SMAD6: variants seen among roughly 807,000 people sequenced by gnomAD.
SMAD6 encodes MAD homolog 6.
A neutral mutation model predicts 39.4 loss-of-function variants in SMAD6; 103 were observed. The ratio of observed to expected loss-of-function variants is 2.62; its 90% CI spans 2.23 to 3.08. The LOEUF (loss-of-function observed/expected upper bound fraction) is 3.08, where lower values mean the gene tolerates loss of function less well. Ranked by LOEUF, SMAD6 falls within the 30% of genes most tolerant of loss-of-function variation. The probability of loss-of-function intolerance (pLI) is 0.00; values close to 1 mark genes in which losing one functional copy is unlikely to be tolerated. For synonymous variants in SMAD6, 445 were observed against 353.3 expected (o/e 1.26, Z -2.91); for missense variants, 1,104 against 742.9 (o/e 1.49, Z -5.65).
intron 3 of SMAD6, among the ~76,000 whole-genome samples, chr15:66,773,674 A>C (rs1002061878): frequency 1.3e-5 from 2 of 152,130 alleles, no homozygotes; most frequent in African/African-American, 2.4e-5. Context: ...CACAGGCATG[A>C]CACGGGACAG....
chr15:66,705,171 G>A (rs1893083911), intron 1 of SMAD6: 1 of 152,334 alleles, frequency 6.6e-6, no homozygotes, highest in South Asian at 2.1e-4. Context: ...TGGGAGCACA[G>A]AGAGGGTCAG....
At chr15:66,705,952 C>T in intron 1 of SMAD6, 1 of 153,372 alleles carries the variant, frequency 6.5e-6, no homozygotes, top group Non-Finnish European at 1.5e-5. Flanking sequence ...AGGGAGCCAG[C>T]CAGCTCAGAG....
chr15:66,775,378 T>C (rs1465883876), intron 3 of SMAD6, among the ~76,000 whole-genome samples: 4 of 152,208 alleles, frequency 2.6e-5, no homozygotes, highest in Non-Finnish European at 5.9e-5. Flanking sequence ...TGGTTTTCTG[T>C]TGATAGATAT....
At chr15:66,724,857 C>G (rs984306075) in intron 3 of SMAD6, among the ~76,000 whole-genome samples, 2 of 152,094 alleles carry the variant, frequency 1.3e-5, no homozygotes, top group African/African-American at 4.8e-5. Context: ...GGGTGCCTGT[C>G]CAGGGCTGGC....
chr15:66,763,425 A>G (rs571018401), intron 3 of SMAD6, among the ~76,000 whole-genome samples: 121 of 152,234 alleles, frequency 7.9e-4, no homozygotes, highest in East Asian at 3.1e-3. Flanking sequence ...GGAACCTGCC[A>G]TTCTCTCGTC....
chr15:66,754,633 A>G (rs1894065996), intron 3 of SMAD6, among the ~76,000 whole-genome samples: 1 of 152,200 alleles, frequency 6.6e-6, no homozygotes, highest in South Asian at 2.1e-4. Context: ...ATGAATGCCT[A>G]CTAGCTGTTC....
At chr15:66,713,511 A>G (rs1893270899) in intron 2 of SMAD6, among the ~76,000 whole-genome samples, 1 of 152,000 alleles carries the variant, frequency 6.6e-6, no homozygotes, top group Non-Finnish European at 1.5e-5. Context: ...GTAGAGATGG[A>G]GTTTTACCAT....
At chr15:66,732,917 T>A (rs371173444) in intron 3 of SMAD6, among the ~76,000 whole-genome samples, 54 of 152,224 alleles carry the variant, frequency 3.5e-4, no homozygotes, top group African/African-American at 1.2e-3. Context: ...ATTTTTTTTT[T>A]ATGTTTTCTT....
intron 3 of SMAD6, chr15:66,740,296 C>T (rs1893791142): frequency 6.6e-6 from 1 of 152,300 alleles, no homozygotes; most frequent in African/African-American, 2.4e-5. Context: ...GAATTGAAGG[C>T]TCTTTCAGGA....
rs962265131 is a variant in SMAD6 at position 66,747,659 on chromosome 15, T to C, written c.952+31161T>C. ...GGACACTGACTCCACGGTTTCCCCC[T>C]TAGTCATACCTACCTAGGATAATTG... On this transcript the variant is annotated intron_variant, in intron 3 of 3. Transcript: ENST00000288840. This position sits in a 1 kb window ranked among gnomAD's most constrained non-coding sequence, Gnocchi z 4.5. Among the ~76,000 whole-genome samples the C allele has an allele frequency of 8.5e-5, 13 of 152,208 alleles. No homozygotes were observed. Among genetic ancestry groups the C allele is most frequent in the African/African-American group, 3.1e-4 (13 of 41,446 alleles).
At position 66,781,348 on chromosome 15, in the gene SMAD6, C is replaced by T. The variant is rs1894567595; in HGVS notation, c.1304C>T (p.Ser435Phe). 2 of 1,600,386 alleles carry T rather than the reference C, an allele frequency of 1.2e-6. No homozygotes were observed. The highest frequency in any genetic ancestry group is 1.7e-6 in the Non-Finnish European group (2 of 1,175,676). Residue 435 changes from serine to phenylalanine, a missense_variant, in exon 4 of 4, where the codon TCC becomes TTC. Physicochemically the swap from Ser to Phe is radical, Grantham distance 155. Coordinates refer to ENST00000288840, the MANE Select transcript of SMAD6 (RefSeq NM_005585.5). ...LVVRKVPPGY[S>F]IKVFDFERSG... The stretch of plus-strand genomic sequence containing the variant: ...GTGCGCAAGGTGCCCCCCGGCTACT[C>T]CATCAAGGTGTTCGACTTCGAGCGC...
intron 3 of SMAD6, among the ~76,000 whole-genome samples, chr15:66,766,653 G>T (rs955278317): frequency 6.6e-6 from 1 of 152,138 alleles, no homozygotes; most frequent in South Asian, 2.1e-4. Flanking sequence ...ATGCATGTAA[G>T]TTGCCTGCTG....
At chr15:66,722,705 C>G (rs1893455249) in intron 3 of SMAD6, among the ~76,000 whole-genome samples, 1 of 152,284 alleles carries the variant, frequency 6.6e-6, no homozygotes, top group Admixed American at 6.5e-5. Flanking sequence ...AAATGCCTTC[C>G]TTTCCTAACA....
chr15:66,758,494 G>A (rs1043857845), intron 3 of SMAD6, among the ~76,000 whole-genome samples: 1 of 152,194 alleles, frequency 6.6e-6, no homozygotes, highest in Admixed American at 6.5e-5. Context: ...TTGGGAGGCC[G>A]AGGTGGACGG....
chr15:66,768,318 T>C (rs1894325154), intron 3 of SMAD6, among the ~76,000 whole-genome samples: 1 of 152,116 alleles, frequency 6.6e-6, no homozygotes, highest in Non-Finnish European at 1.5e-5. Flanking sequence ...TTTGCAAAGG[T>C]CACCTGATTC....
intron 3 of SMAD6, chr15:66,717,164 G>A (rs1049381487): frequency 6.2e-6 from 8 of 1,284,320 alleles, no homozygotes; most frequent in African/African-American, 6.1e-5. Context: ...TGGGGACATC[G>A]AGGGCCAGGA....
chr15:66,752,070 A>T lies in SMAD6; in HGVS notation c.953-28927A>T, dbSNP rs573783674. ...TTTTTTTTTTTTTTTCAGGCAGTTA[A>T]TAATCCAGCTTTTCAGTTGCTCCTC... On this transcript the variant is annotated intron_variant, in intron 3 of 3. Transcript: ENST00000288840. Among the ~76,000 whole-genome samples, 6 of 145,066 alleles carry T rather than the reference A, an allele frequency of 4.1e-5. No individual in the cohort carries two copies. In the East Asian group the frequency reaches 1.2e-3, roughly 29 times the overall value.
At position 66,704,002 on chromosome 15, in the gene SMAD6, C is replaced by T. The variant is rs1039441681; in HGVS notation, c.744C>T (p.His248=). 6.7e-7 allele frequency: 1 copy of T among 1,493,678 alleles called. No homozygotes were observed. The highest frequency in any genetic ancestry group is 8.8e-7 in the Non-Finnish European group (1 of 1,130,004). 92.5% of individuals were successfully genotyped at this position (1,493,678 alleles called of 1,614,324 possible). ...AGCTGAAGCCCCTGTGCGGCTGCCA[C>T]AGCTTCGCCGCCGCCGCCGACGGCC... is the stretch of plus-strand genomic sequence containing the variant. ...AVELKPLCGC[H]SFAAAADGPT... The change falls in exon 1 of 4, where the codon CAC becomes CAT. Residue 248 remains histidine (H), a synonymous_variant. Coordinates refer to ENST00000288840, the MANE Select transcript of SMAD6 (RefSeq NM_005585.5).
At chr15:66,719,249 C>G (rs1893387831) in intron 3 of SMAD6, among the ~76,000 whole-genome samples, 1 of 152,224 alleles carries the variant, frequency 6.6e-6, no homozygotes. Flanking sequence ...TGTTCTACAA[C>G]AAGTATCCCT....
Sources: gnomAD v4.1 joint callset for allele counts (sites outside exome capture counted in the v4.1 genomes callset) on GRCh38, gnomAD v4.1.1 for gene constraint, Gnocchi (gnomAD v3.1) non-coding constraint, MANE v1.5 for transcripts, NCBI Gene and HGNC (gene_info 2026-07-23, HGNC 2026-07-21) for gene names.